The following SUCLG2 variants were observed in gnomAD, a reference collection of about 807,000 sequenced individuals.
SUCLG2 encodes succinate--CoA ligase [GDP-forming] subunit beta, mitochondrial.
A neutral mutation model predicts 47.9 loss-of-function variants in SUCLG2; 42 were observed. The observed-to-expected ratio is 0.88, with a 90% confidence interval of 0.69 to 1.14. SUCLG2 has a LOEUF of 1.14. Among genes scored for constraint, SUCLG2 ranks in the 50% most tolerant of loss-of-function variants. The probability of loss-of-function intolerance (pLI) is 0.00; values close to 1 mark genes in which losing one functional copy is unlikely to be tolerated. For synonymous variants in SUCLG2, 195 were observed against 197.3 expected, an observed-to-expected ratio of 0.99 and a Z score of 0.10; for missense variants, 571 against 525.9, an observed-to-expected ratio of 1.09 and a Z score of -0.84.
intron 2 of SUCLG2, among the ~76,000 whole-genome samples, chr3:67,585,617 C>T (rs1707994004): frequency 6.6e-6 from 1 of 152,162 alleles, no homozygotes; most frequent in Non-Finnish European, 1.5e-5. Context: ...TACATATCAC[C>T]ATCATGCTGA....
At chr3:67,360,582 T>C in exon 11 of SUCLG2, 1 of 1,450,082 alleles carries the variant, frequency 6.9e-7, no homozygotes, top group Non-Finnish European at 9.1e-7. Context: ...ATGATATTCA[T>C]TAATTTGGAA....
Position 67,495,859 on chromosome 3 carries a change from C to A in SUCLG2, c.1001G>T (p.Gly334Val). 2 of 1,614,054 alleles carry A rather than the reference C, an allele frequency of 1.2e-6. No homozygotes were observed. Among genetic ancestry groups the A allele is most frequent in the Non-Finnish European group, 1.7e-6 (2 of 1,179,992 alleles). Residue 334 changes from glycine to valine, a missense_variant, in exon 9 of 11, where the codon GGA (glycine) becomes GTA (valine). Coordinates refer to ENST00000307227, the MANE Select transcript of SUCLG2 (RefSeq NM_003848.4). ...TACTTGAGCTTCCTTTACACCACCT[C>A]CAAGATCCAAGAAGTTGGCTGGCTT... is the stretch of plus-strand genomic sequence containing the variant. ...GGKPANFLDL[G>V]GGVKEAQVYQ... is the part of the protein sequence containing the mutation.
chr3:67,475,417 T>C (rs1181224559), intron 9 of SUCLG2, among the ~76,000 whole-genome samples: 2 of 152,222 alleles, frequency 1.3e-5, no homozygotes, highest in African/African-American at 2.4e-5. Context: ...AAGGCGAATC[T>C]GTCACAATTC....
intron 9 of SUCLG2, among the ~76,000 whole-genome samples, chr3:67,412,945 T>A (rs1702961830): frequency 6.6e-6 from 1 of 152,196 alleles, no homozygotes; most frequent in East Asian, 1.9e-4. Context: ...AAGGTTAACA[T>A]TTTGTTCAGT....
At chr3:67,496,491 T>G (rs1351650559) in intron 8 of SUCLG2, among the ~76,000 whole-genome samples, 4 of 152,208 alleles carry the variant, frequency 2.6e-5, no homozygotes, top group African/African-American at 9.7e-5. Flanking sequence ...TTTTTTACAC[T>G]TAGTACAGTC....
intron 2 of SUCLG2, among the ~76,000 whole-genome samples, chr3:67,560,901 T>C (rs1054245157): frequency 3.3e-5 from 5 of 151,326 alleles, no homozygotes; most frequent in African/African-American, 1.2e-4. Flanking sequence ...TTAAAACAGA[T>C]AAGCTCCCCT....
intron 9 of SUCLG2, among the ~76,000 whole-genome samples, chr3:67,474,495 G>T (rs921407071): frequency 2.0e-5 from 3 of 152,116 alleles, no homozygotes; most frequent in Non-Finnish European, 4.4e-5. Flanking sequence ...GACTATAAAT[G>T]ACTTGGCCCC....
intron 9 of SUCLG2, among the ~76,000 whole-genome samples, chr3:67,413,500 T>C (rs1702971952): frequency 1.3e-5 from 2 of 152,170 alleles, no homozygotes; most frequent in African/African-American, 4.8e-5. Flanking sequence ...TTCCATAAAA[T>C]GCCAATGACC....
chr3:67,529,262 A>T, intron 2 of SUCLG2, 76 bp from the exon 3 acceptor site: 1 of 1,096,224 alleles, frequency 9.1e-7, no homozygotes. Context: ...GGAAAGCAAT[A>T]ATGGCACATA....
intron 1 of SUCLG2, among the ~76,000 whole-genome samples, chr3:67,644,339 G>T (rs555935211): frequency 6.6e-6 from 1 of 152,226 alleles, no homozygotes; most frequent in South Asian, 2.1e-4. Flanking sequence ...CAACACAGAT[G>T]AACTTTGAAG....
intron 2 of SUCLG2, among the ~76,000 whole-genome samples, chr3:67,604,236 T>C (rs554094099): frequency 6.6e-6 from 1 of 152,366 alleles, no homozygotes; most frequent in East Asian, 1.9e-4. Context: ...AGGTTCTATT[T>C]GCTCAGAGAT....
At chr3:67,619,063 T>C (rs1700684108) in intron 1 of SUCLG2, among the ~76,000 whole-genome samples, 1 of 152,206 alleles carries the variant, frequency 6.6e-6, no homozygotes, top group African/African-American at 2.4e-5. Context: ...AAATCATCTG[T>C]ACTTCCAAAA....
chr3:67,361,653 T>C (rs1463830167), intron 10 of SUCLG2, among the ~76,000 whole-genome samples: 2 of 152,198 alleles, frequency 1.3e-5, no homozygotes, highest in African/African-American at 4.8e-5. Flanking sequence ...TTCTCTATTA[T>C]TAGATAGATT....
chr3:67,503,215 C>T (rs1705547303), intron 7 of SUCLG2, among the ~76,000 whole-genome samples: 1 of 152,168 alleles, frequency 6.6e-6, no homozygotes, highest in Admixed American at 6.5e-5. Context: ...TCACAGTTCT[C>T]ACACTTGTAT....
At chr3:67,427,168 T>C (rs944576601) in intron 9 of SUCLG2, among the ~76,000 whole-genome samples, 14 of 152,246 alleles carry the variant, frequency 9.2e-5, no homozygotes, top group African/African-American at 2.9e-4. Flanking sequence ...ATGTATTTTA[T>C]GTTATCACTC....
At chr3:67,388,471 T>C (rs1173358218) in intron 10 of SUCLG2, among the ~76,000 whole-genome samples, 1 of 152,190 alleles carries the variant, frequency 6.6e-6, no homozygotes, top group East Asian at 1.9e-4. Flanking sequence ...ATATGTGTGA[T>C]TTCTGTGAAT....
At chr3:67,618,865 GTACTT>G (rs1396206614) in intron 1 of SUCLG2, among the ~76,000 whole-genome samples, 1 of 152,162 alleles carries the variant, frequency 6.6e-6, no homozygotes, top group African/African-American at 2.4e-5. Context: ...GAGAAGAAAA[GTACTT>G]TAAAGTTCCC....
At chr3:67,600,200 G>T (rs1337674545) in intron 2 of SUCLG2, among the ~76,000 whole-genome samples, 1 of 152,124 alleles carries the variant, frequency 6.6e-6, no homozygotes, top group Non-Finnish European at 1.5e-5. Context: ...CTGACAAGTT[G>T]TATAAAAAAA....
chr3:67,397,887 T>G (rs1320190599), intron 10 of SUCLG2, among the ~76,000 whole-genome samples: 1 of 151,592 alleles, frequency 6.6e-6, no homozygotes, highest in African/African-American at 2.4e-5. Context: ...CTATCTGATC[T>G]TTGACTAACC....
Sources: gnomAD v4.1 joint callset for allele counts (sites outside exome capture counted in the v4.1 genomes callset) on GRCh38, gnomAD v4.1.1 for gene constraint, MANE v1.5 for transcripts, NCBI Gene and HGNC (gene_info 2026-07-23, HGNC 2026-07-21) for gene names.